The following XKR7 variants were observed in gnomAD, a reference collection of about 807,000 sequenced individuals.
XKR7 encodes XK-related protein 7.
A neutral mutation model predicts 42.2 loss-of-function variants in XKR7; 11 were observed. The observed-to-expected ratio is 0.26, with a 90% confidence interval of 0.16 to 0.43. The LOEUF is 0.43. XKR7 is among the 20% of genes least tolerant of loss of function. The pLI, the probability that XKR7 is intolerant of heterozygous loss-of-function variation, is 1.00. For missense variants in XKR7, 710 were observed against 802.2 expected (o/e 0.89, Z 1.39); for synonymous variants, 346 against 366.4 (o/e 0.94, Z 0.64).
At chr20:31,977,574 G>A (rs1195994883) in intron 1 of XKR7, among the ~76,000 whole-genome samples, 1 of 152,150 alleles carries the variant, frequency 6.6e-6, no homozygotes, top group African/African-American at 2.4e-5. Flanking sequence ...CATAGTATAT[G>A]CCCAGAAAAC....
chr20:31,983,115 G>A (rs1286022267), intron 1 of XKR7, among the ~76,000 whole-genome samples: 1 of 152,198 alleles, frequency 6.6e-6, no homozygotes, highest in Non-Finnish European at 1.5e-5. Context: ...TACTTAAGAA[G>A]TTTACAAAGC....
intron 1 of XKR7, among the ~76,000 whole-genome samples, chr20:31,990,145 C>T (rs569796734): frequency 6.6e-6 from 1 of 151,706 alleles, no homozygotes; most frequent in African/African-American, 2.4e-5. Context: ...TATGGACACC[C>T]TTTATAGTTT....
At chr20:31,988,358 GA>G (rs2064552696) in intron 1 of XKR7, among the ~76,000 whole-genome samples, 1 of 152,146 alleles carries the variant, frequency 6.6e-6, no homozygotes, top group African/African-American at 2.4e-5. Context: ...GGGGAGAAGG[GA>G]ATGAGCTCCT....
chr20:31,992,104 C>T (rs1037416582), intron 1 of XKR7, among the ~76,000 whole-genome samples: 6 of 151,296 alleles, frequency 4.0e-5, no homozygotes, highest in South Asian at 2.1e-4. Context: ...GCAACAAGAG[C>T]GAAACTCTGT....
Position 31,998,565 on chromosome 20 carries a change from G to A in XKR7, c.*1108G>A, listed in dbSNP as rs1260173288. The stretch of plus-strand genomic sequence containing the variant: ...GTGGTGGGGGAGAAGAGGTTCTAGA[G>A]CCCAGCGTGAATGGAATTTTCTAGG... On this transcript the variant is annotated 3_prime_UTR_variant, in exon 3 of 3. Transcript: ENST00000562532. 1 of 152,218 alleles carries A rather than the reference G, an allele frequency of 6.6e-6. No individual in the cohort carries two copies. Among genetic ancestry groups the A allele is most frequent in the Non-Finnish European group, 1.5e-5 (1 of 68,068 alleles). The allele number at this position is 152,218 out of a possible 1,614,324, so 9.4% of individuals were successfully genotyped here. A position where few individuals can be genotyped will look rare whatever the true frequency, so the allele number is the denominator to read the frequency against.
intron 1 of XKR7, among the ~76,000 whole-genome samples, chr20:31,981,484 G>A (rs772348940): frequency 1.3e-5 from 2 of 152,186 alleles, no homozygotes; most frequent in African/African-American, 2.4e-5. Context: ...CTGAGGTCAG[G>A]ATTTTGAGAT....
Position 31,995,314 on chromosome 20 carries a change from G to A in XKR7, c.787+44G>A, listed in dbSNP as rs556259632. 6 of 1,531,146 alleles carry A rather than the reference G, an allele frequency of 3.9e-6. No homozygotes were observed. Among genetic ancestry groups the A allele is most frequent in the African/African-American group, 2.8e-5 (2 of 72,470 alleles). The allele number at this position is 1,531,146 out of a possible 1,614,324, so 94.8% of individuals were successfully genotyped here. ...CCTCTGCGCCTGGGACCACCCCACC[G>A]GGCCTTTCTCCCTGCTTCAGGCTCC... On this transcript the variant is annotated intron_variant, in intron 2 of 2. Transcript: ENST00000562532. This position sits in a 1 kb window ranked among gnomAD's most constrained non-coding sequence, Gnocchi z 4.1.
chr20:31,996,470 A>AAACCACCCC, intron 2 of XKR7, 35 bp from the exon 3 acceptor site: 5 of 401,214 alleles, frequency 1.2e-5, no homozygotes, highest in Non-Finnish European at 1.3e-5. Context: ...CCCGCCCCTA[A>AAACCACCCC]CCCAGCCCAC....
rs2064587080 is a variant in XKR7, at chr20:31,995,419, C to T, written c.787+149C>T. The stretch of plus-strand genomic sequence containing the variant: ...TTTAGGGAGGCCTGCCCCTTCTACC[C>T]TCACCACCCTCCAGGCCTCTCGAGA... On this transcript the variant is annotated intron_variant, in intron 2 of 2. Transcript: ENST00000562532. This position sits in a 1 kb window ranked among gnomAD's most constrained non-coding sequence, Gnocchi z 4.1. 5.2e-6 allele frequency: 7 copies of T among 1,334,586 alleles called. No homozygotes were observed. In the East Asian group the frequency reaches 1.8e-4, roughly 35 times the overall value. The allele number at this position is 1,334,586 out of a possible 1,614,324, so 82.7% of individuals were successfully genotyped here. A position where few individuals can be genotyped will look rare whatever the true frequency, so the allele number is the denominator to read the frequency against.
chr20:31,986,226 G>A (rs1219567704), intron 1 of XKR7, among the ~76,000 whole-genome samples: 11 of 61,276 alleles, frequency 1.8e-4, no homozygotes, highest in East Asian at 5.6e-4. Context: ...AGTATCCAAG[G>A]CACAGACAGA....
chr20:31,976,073 C>A (rs1426148242), intron 1 of XKR7, among the ~76,000 whole-genome samples: 1 of 152,222 alleles, frequency 6.6e-6, no homozygotes, highest in East Asian at 1.9e-4. Flanking sequence ...CTACCCAGGT[C>A]TCCATTGTGA....
At position 31,997,393 on chromosome 20, in the gene XKR7, C is replaced by T. The variant is rs775706982; in HGVS notation, c.1676C>T (p.Pro559Leu). The T allele has an allele frequency of 1.2e-6, 2 of 1,600,090 alleles. No homozygotes were observed. Among genetic ancestry groups the T allele is most frequent in the Non-Finnish European group, 1.7e-6 (2 of 1,179,900 alleles). The change falls in exon 3 of 3, where the codon CCC becomes CTC. Residue 559 changes from proline to leucine, a missense_variant. By Grantham distance (98) the Pro-to-Leu change is moderately conservative (BLOSUM62 -3). This residue lies in a region of XKR7 where 708 missense variants were observed against 786.2 expected (regional missense o/e 0.90). Coordinates refer to ENST00000562532, the MANE Select transcript of XKR7 (RefSeq NM_001011718.2). ...CTGGAGTACTCCTCACCTGCCACGC[C>T]CCGGTTGCAGTACCGGAGTGTGGGG... ...LALEYSSPAT[P>L]RLQYRSVGTS...
chr20:31,989,280 C>CCT (rs1469700605), intron 1 of XKR7, among the ~76,000 whole-genome samples: 1 of 118,662 alleles, frequency 8.4e-6, no homozygotes, highest in African/African-American at 3.3e-5. Flanking sequence ...AGGACACCCC[C>CCT]CCCCCAGCGC....
intron 2 of XKR7, 125 bp from the exon 3 acceptor site, chr20:31,996,380 C>G: frequency 1.5e-6 from 1 of 665,120 alleles, no homozygotes; most frequent in Non-Finnish European, 2.4e-6. Context: ...CCTGCTGATC[C>G]ACAGCTCCTT....
chr20:31,994,355 C>T (rs1195967847), intron 1 of XKR7, among the ~76,000 whole-genome samples: 1 of 152,212 alleles, frequency 6.6e-6, no homozygotes, highest in African/African-American at 2.4e-5. Flanking sequence ...GGTTCTACTG[C>T]TTCCTAGCTG....
At position 31,995,883 on chromosome 20, in the gene XKR7, C is replaced by G. The variant is rs1220956762; in HGVS notation, c.787+613C>G. The stretch of plus-strand genomic sequence containing the variant: ...CATCCCCCTGTCTCCCTGAAGCACT[C>G]CGTGCTCTCCCAACCTAGTCCCTGC... On this transcript the variant is annotated intron_variant, in intron 2 of 2. Coordinates refer to ENST00000562532, the MANE Select transcript of XKR7 (RefSeq NM_001011718.2). The surrounding 1 kb of genome is among the most constrained non-coding windows in gnomAD (Gnocchi z 4.1). 6.6e-6 allele frequency among the ~76,000 whole-genome samples: 1 copy of G among 151,988 alleles called. No individual in the cohort carries two copies.
chr20:31,973,957 G>A (rs2064474923), intron 1 of XKR7, among the ~76,000 whole-genome samples: 1 of 152,176 alleles, frequency 6.6e-6, no homozygotes, highest in Non-Finnish European at 1.5e-5. Context: ...CACTTTGGGA[G>A]GCCGAGGCAG....
At chr20:31,993,756 G>A (rs1254239412) in intron 1 of XKR7, among the ~76,000 whole-genome samples, 2 of 152,186 alleles carry the variant, frequency 1.3e-5, no homozygotes, top group African/African-American at 4.8e-5. Context: ...ACAACCCACT[G>A]TGACAAGTGC....
At position 31,997,595 on chromosome 20, in the gene XKR7, G is replaced by A; in HGVS notation, c.*138G>A. On this transcript the variant is annotated 3_prime_UTR_variant, in exon 3 of 3. Coordinates refer to ENST00000562532, the MANE Select transcript of XKR7 (RefSeq NM_001011718.2). ...AAGGGTAGAGTGGCCCCACTCTTGG[G>A]TTCTTTCAGGGGAGGGGGCAGCCTT... 2 of 834,432 alleles carry A rather than the reference G, an allele frequency of 2.4e-6. No individual in the cohort carries two copies. Among genetic ancestry groups the A allele is most frequent in the Admixed American group, 3.0e-5 (1 of 33,642 alleles). 51.7% of individuals were successfully genotyped at this position (834,432 alleles called of 1,614,324 possible).
Sources: gnomAD v4.1 joint callset for allele counts (sites outside exome capture counted in the v4.1 genomes callset) on GRCh38, gnomAD v4.1.1 for gene constraint, gnomAD v4.1.1 regional missense constraint, Gnocchi (gnomAD v3.1) non-coding constraint, MANE v1.5 for transcripts, NCBI Gene and HGNC (gene_info 2026-07-23, HGNC 2026-07-21) for gene names.